TENM2: variants seen among roughly 807,000 people sequenced by gnomAD.
The protein encoded by TENM2 is teneurin-2.
A neutral mutation model predicts 245.2 loss-of-function variants in TENM2; 52 were observed. The observed-to-expected ratio is 0.21, with a 90% confidence interval of 0.17 to 0.27. The LOEUF is 0.27. TENM2 is among the 10% of genes least tolerant of loss of function. The probability of loss-of-function intolerance (pLI) is 1.00; values close to 1 mark genes in which losing one functional copy is unlikely to be tolerated. For missense variants in TENM2, 3,046 were observed against 3,666.8 expected, an observed-to-expected ratio of 0.83 and a Z score of 4.37; for synonymous variants, 1,363 against 1,438.9, an observed-to-expected ratio of 0.95 and a Z score of 1.19.
chr5:167,033,320 C>T, the TENM2 span, among the ~76,000 whole-genome samples: 1 of 152,154 alleles, frequency 6.6e-6, no homozygotes, highest in Non-Finnish European at 1.5e-5. Flanking sequence ...TACAACATTG[C>T]TGATGTACAG....
intron 3 of TENM2, among the ~76,000 whole-genome samples, chr5:167,908,262 T>G (rs930937212): frequency 2.6e-5 from 4 of 151,780 alleles, no homozygotes; most frequent in African/African-American, 9.7e-5. Context: ...GTAAATCCTT[T>G]CAGGAAAAAG....
chr5:167,456,026 T>C (rs1765901001), intron 2 of TENM2, among the ~76,000 whole-genome samples: 2 of 152,166 alleles, frequency 1.3e-5, no homozygotes, highest in Admixed American at 1.3e-4. Flanking sequence ...TTTTTTCACT[T>C]TGACTATCCT....
intron 5 of TENM2, among the ~76,000 whole-genome samples, chr5:168,036,699 ATG>A (rs1238731934): frequency 2.2e-4 from 21 of 95,088 alleles, no homozygotes; most frequent in African/African-American, 1.1e-3. Flanking sequence ...ATATATATAT[ATG>A]TATGTGTATA....
At chr5:167,895,577 T>C (rs1245510099) in intron 3 of TENM2, among the ~76,000 whole-genome samples, 1 of 152,224 alleles carries the variant, frequency 6.6e-6, no homozygotes, top group African/African-American at 2.4e-5. Flanking sequence ...TTCTAATTAA[T>C]TAAAACAGAG....
At chr5:167,191,033 T>C in the TENM2 span, among the ~76,000 whole-genome samples, 1 of 152,058 alleles carries the variant, frequency 6.6e-6, no homozygotes, top group East Asian at 1.9e-4. Context: ...TTTGAGCACA[T>C]TAGTACATCA....
At chr5:167,376,023 C>T (rs1270660505) in intron 2 of TENM2, among the ~76,000 whole-genome samples, 6 of 152,118 alleles carry the variant, frequency 3.9e-5, no homozygotes, top group African/African-American at 1.4e-4. Flanking sequence ...TATATGTTTA[C>T]TTTTCCCCTT....
At chr5:167,274,072 A>G in the TENM2 span, among the ~76,000 whole-genome samples, 5 of 152,170 alleles carry the variant, frequency 3.3e-5, no homozygotes, top group African/African-American at 1.2e-4. Flanking sequence ...AGAGACTGAC[A>G]CTGATACAGC....
chr5:167,273,330 A>T, the TENM2 span, among the ~76,000 whole-genome samples: 1 of 152,170 alleles, frequency 6.6e-6, no homozygotes, highest in Admixed American at 6.6e-5. Context: ...GCCATTTGTC[A>T]GTGGCAGAAA....
the TENM2 span, among the ~76,000 whole-genome samples, chr5:167,214,378 A>C: frequency 6.6e-6 from 1 of 152,202 alleles, no homozygotes; most frequent in South Asian, 2.1e-4. Flanking sequence ...TCTCTATAGA[A>C]ATATGGCCAG....
the TENM2 span, among the ~76,000 whole-genome samples, chr5:167,214,536 C>T: frequency 6.6e-6 from 1 of 152,174 alleles, no homozygotes; most frequent in African/African-American, 2.4e-5. Context: ...TTTGTCTATA[C>T]ATCAATGTCG....
intron 2 of TENM2, among the ~76,000 whole-genome samples, chr5:167,400,291 G>A (rs1413107371): frequency 1.3e-5 from 2 of 152,014 alleles, no homozygotes; most frequent in Non-Finnish European, 2.9e-5. Context: ...AGTTTCAGAG[G>A]CAACTTGACA....
At chr5:167,875,465 A>T (rs767727816) in intron 2 of TENM2, among the ~76,000 whole-genome samples, 1 of 152,218 alleles carries the variant, frequency 6.6e-6, no homozygotes, top group Non-Finnish European at 1.5e-5. Context: ...CAAGACAGGT[A>T]GGTCATCATA....
the TENM2 span, among the ~76,000 whole-genome samples, chr5:167,075,031 C>G: frequency 6.6e-6 from 1 of 152,180 alleles, no homozygotes; most frequent in Non-Finnish European, 1.5e-5. Context: ...TGCTATTGTT[C>G]TTAAGGAACT....
chr5:167,946,992 G>T (rs1199031668), intron 3 of TENM2, among the ~76,000 whole-genome samples: 3 of 151,194 alleles, frequency 2.0e-5, no homozygotes, highest in Non-Finnish European at 4.4e-5. Context: ...TATTTTTGTG[G>T]GCTCTTACAG....
At chr5:167,449,717 G>A (rs1021603904) in intron 2 of TENM2, among the ~76,000 whole-genome samples, 1 of 152,144 alleles carries the variant, frequency 6.6e-6, no homozygotes, top group Non-Finnish European at 1.5e-5. Context: ...CAGCACTTTG[G>A]GAGGCCAAGG....
rs562107433 is a variant in TENM2, at chr5:168,195,313, G to C, written c.2900+18G>C. 6.4e-7 allele frequency: 1 copy of C among 1,567,336 alleles called. No homozygotes were observed. Among genetic ancestry groups the C allele is most frequent in the African/African-American group, 1.4e-5 (1 of 73,928 alleles). ...GATGGCACGTGAGTAGCTTTGTGGG[G>C]CTCGGACCTACTCAGGACCACACGT... On this transcript the variant is annotated intron_variant, in intron 15 of 28. Coordinates refer to ENST00000518659, the Ensembl canonical transcript of TENM2.
At chr5:168,011,469 A>T (rs1182300703) in intron 5 of TENM2, among the ~76,000 whole-genome samples, 2 of 152,244 alleles carry the variant, frequency 1.3e-5, no homozygotes, top group African/African-American at 2.4e-5. Flanking sequence ...TTAAAGAATT[A>T]TCTGATCCAA....
chr5:167,802,946 C>A (rs945291461), intron 2 of TENM2, among the ~76,000 whole-genome samples: 4 of 152,024 alleles, frequency 2.6e-5, no homozygotes, highest in African/African-American at 9.7e-5. Flanking sequence ...GGCATGTTGA[C>A]CCTGTATATT....
chr5:168,241,250 TTTCTTTTTG>T (rs1766073189), intron 25 of TENM2: 1 of 136,810 alleles, frequency 7.3e-6, no homozygotes, highest in African/African-American at 2.6e-5. Context: ...CTCTTTTCTT[TTTCTTTTTG>T]TTCTTTTTTT....
Sources: gnomAD v4.1 joint callset for allele counts (sites outside exome capture counted in the v4.1 genomes callset) on GRCh38, gnomAD v4.1.1 for gene constraint, MANE v1.5 for transcripts, NCBI Gene and HGNC (gene_info 2026-07-23, HGNC 2026-07-21) for gene names.